NTM: variants seen among roughly 807,000 people sequenced by gnomAD.
NTM encodes the protein IgLON family member 2.
In NTM, 13 loss-of-function variants were observed where a neutral mutation model predicts 42.1. The observed-to-expected ratio is 0.31, with a 90% CI of 0.20 to 0.49. The LOEUF is 0.49. Among genes scored for constraint, NTM ranks in the 20% least tolerant of loss-of-function variants. The pLI is 0.99. For synonymous variants in NTM, 187 were observed against 179.2 expected (o/e 1.04, Z -0.35); for missense variants, 373 against 452.8 (o/e 0.82, Z 1.60).
At chr11:131,678,571 C>A (rs1276921942) in intron 1 of NTM, among the ~76,000 whole-genome samples, 2 of 152,260 alleles carry the variant, frequency 1.3e-5, no homozygotes, top group Non-Finnish European at 2.9e-5. Flanking sequence ...GGCCTGACTA[C>A]TGGGGCTAGG....
intron 1 of NTM, among the ~76,000 whole-genome samples, chr11:131,659,282 C>T (rs1188723065): frequency 2.0e-5 from 3 of 152,238 alleles, no homozygotes; most frequent in Non-Finnish European, 4.4e-5. Flanking sequence ...GTGCTCTTTA[C>T]AGTTTGCAAA....
intron 4 of NTM, among the ~76,000 whole-genome samples, chr11:132,304,097 G>A (rs114697743): frequency 0.025 from 3,821 of 152,182 alleles, 154 homozygotes; most frequent in African/African-American, 0.085. Flanking sequence ...AATAAACTTG[G>A]GTGAATAGAT....
rs140436008 is a variant in NTM at position 131,948,083 on chromosome 11, C to T, written c.167+36435C>T. ...GTAATAGAAATTAAGCTCAATTGGC[C>T]GGGTGCAGTGGCTCACGCCTGTAAT... On this transcript the variant is annotated intron_variant, in intron 2 of 8. Coordinates refer to ENST00000683400, the MANE Select transcript of NTM (RefSeq NM_001352005.2). Among the ~76,000 whole-genome samples, 390 of 152,114 alleles carry T rather than the reference C, an allele frequency of 2.6e-3. 1 individual carries two copies. Among genetic ancestry groups the T allele is most frequent in the African/African-American group, 8.8e-3 (366 of 41,484 alleles).
At chr11:132,224,858 G>A (rs1403530819) in intron 4 of NTM, among the ~76,000 whole-genome samples, 2 of 152,178 alleles carry the variant, frequency 1.3e-5, no homozygotes, top group Admixed American at 6.5e-5. Flanking sequence ...TGGGAAAGAC[G>A]ACCAGGTTTC....
intron 1 of NTM, among the ~76,000 whole-genome samples, chr11:131,851,103 T>A (rs1364481804): frequency 1.3e-5 from 2 of 152,212 alleles, no homozygotes; most frequent in Non-Finnish European, 1.5e-5. Context: ...CATGGTCAGC[T>A]AGCTCTTCAT....
chr11:131,816,759 C>G (rs770567164), intron 1 of NTM, among the ~76,000 whole-genome samples: 1 of 152,062 alleles, frequency 6.6e-6, no homozygotes. Context: ...CTATTCAGAG[C>G]TAAATTGGGC....
In NTM at chr11:131,496,622, T is replaced by A. The variant is rs73024132; in HGVS notation, c.82+125734T>A. 2.0e-5 allele frequency among the ~76,000 whole-genome samples: 3 copies of A among 152,298 alleles called. 1 individual carries two copies. In the South Asian group the frequency reaches 6.2e-4, roughly 32 times the overall value. ...GTGAGTGAAGAAGAGCAAAGCCCCC[T>A]TCACTGGGAAAGTCATTCTGACCCA... On this transcript the variant is annotated intron_variant, in intron 1 of 8. Coordinates refer to ENST00000683400, the MANE Select transcript of NTM (RefSeq NM_001352005.2).
intron 3 of NTM, among the ~76,000 whole-genome samples, chr11:132,181,343 A>C (rs2077549530): frequency 6.6e-6 from 1 of 152,174 alleles, no homozygotes; most frequent in Non-Finnish European, 1.5e-5. Flanking sequence ...CAGCATGAAG[A>C]TTATGATTTA....
chr11:132,148,946 T>C (rs957148002), intron 3 of NTM, among the ~76,000 whole-genome samples: 21 of 152,112 alleles, frequency 1.4e-4, no homozygotes, highest in African/African-American at 4.1e-4. Context: ...ACACACCACC[T>C]CAAGTATTGG....
chr11:132,025,029 T>C (rs2074972438), intron 2 of NTM, among the ~76,000 whole-genome samples: 1 of 152,170 alleles, frequency 6.6e-6, no homozygotes, highest in Admixed American at 6.5e-5. Context: ...CTCCACTGAC[T>C]GGAGACTCCT....
At chr11:132,068,509 T>C (rs2056861143) in intron 2 of NTM, among the ~76,000 whole-genome samples, 1 of 152,234 alleles carries the variant, frequency 6.6e-6, no homozygotes, top group Admixed American at 6.5e-5. Context: ...CTTCTATGGA[T>C]TCGCTGGTAA....
intron 1 of NTM, among the ~76,000 whole-genome samples, chr11:131,823,894 GA>G (rs1223163165): frequency 6.6e-6 from 1 of 152,186 alleles, no homozygotes; most frequent in Non-Finnish European, 1.5e-5. Flanking sequence ...GCTTAAGTCA[GA>G]AAGACATGAA....
At chr11:131,795,685 GA>G (rs1454611426) in intron 1 of NTM, 7 of 985,304 alleles carry the variant, frequency 7.1e-6, no homozygotes, top group Middle Eastern at 5.2e-4. Context: ...GCGAACAGCA[GA>G]TATTTACGGC....
At chr11:132,297,642 C>T (rs991497198) in intron 4 of NTM, among the ~76,000 whole-genome samples, 4 of 152,182 alleles carry the variant, frequency 2.6e-5, no homozygotes, top group African/African-American at 9.7e-5. Context: ...ATGAAACATA[C>T]GTAAGGCTCT....
chr11:131,627,294 C>A (rs114070493), intron 1 of NTM, among the ~76,000 whole-genome samples: 4,786 of 151,490 alleles, frequency 0.032, 236 homozygotes, highest in African/African-American at 0.11. Flanking sequence ...TATACACTGC[C>A]ACGTTTGAGA....
At chr11:131,413,144 GATAGAGTCAGGTGCCAGA>G (rs563905393) in intron 1 of NTM, among the ~76,000 whole-genome samples, 1 of 152,260 alleles carries the variant, frequency 6.6e-6, no homozygotes, top group East Asian at 1.9e-4. Flanking sequence ...TCTTTCAAAG[GATAGAGTCAGGTGCCAGA>G]ATAGAGTTGG....
At chr11:132,009,029 G>A (rs1340858584) in intron 2 of NTM, among the ~76,000 whole-genome samples, 8 of 152,140 alleles carry the variant, frequency 5.3e-5, no homozygotes, top group Admixed American at 4.6e-4. Flanking sequence ...CACCAGATCA[G>A]CGCTGTGGGG....
chr11:131,781,127 AAG>A (rs1294525163), intron 1 of NTM, among the ~76,000 whole-genome samples: 1 of 152,186 alleles, frequency 6.6e-6, no homozygotes, highest in Non-Finnish European at 1.5e-5. Context: ...CTGATTTTAA[AAG>A]AGAGCTCTAT....
intron 3 of NTM, among the ~76,000 whole-genome samples, chr11:132,183,766 T>G (rs1372408611): frequency 6.6e-6 from 1 of 152,178 alleles, no homozygotes; most frequent in Non-Finnish European, 1.5e-5. Context: ...TTTCTGGAAC[T>G]TAATATTCAA....
Sources: gnomAD v4.1 joint callset for allele counts (sites outside exome capture counted in the v4.1 genomes callset) on GRCh38, gnomAD v4.1.1 for gene constraint, MANE v1.5 for transcripts, NCBI Gene and HGNC (gene_info 2026-07-23, HGNC 2026-07-21) for gene names.